ONECUT2: variants seen among roughly 807,000 people sequenced by gnomAD.
The protein encoded by ONECUT2 is one cut homeobox 2.
A neutral mutation model predicts 27.9 loss-of-function variants in ONECUT2; 10 were observed. That is an observed-to-expected ratio of 0.36 (90% CI 0.22 to 0.61). ONECUT2 has a LOEUF of 0.61. Among genes scored for constraint, ONECUT2 ranks in the 20% least tolerant of loss-of-function variants. The pLI is 0.73. For synonymous variants in ONECUT2, 334 were observed against 315.1 expected, an observed-to-expected ratio of 1.06 and a Z score of -0.64; for missense variants, 686 against 721.0, an observed-to-expected ratio of 0.95 and a Z score of 0.56.
chr18:57,467,320 C>T, intron 1 of ONECUT2: 1 of 374,724 alleles, frequency 2.7e-6, no homozygotes, highest in Non-Finnish European at 5.3e-6. Flanking sequence ...CAGAGATTTG[C>T]CATTGATCAT....
Position 57,476,456 on chromosome 18 carries a change from A to G in ONECUT2, c.1248A>G (p.Gln416=), listed in dbSNP as rs2050382295. ...LRLAACKRKE[Q]EPNKDRNNSQ... is the part of the protein sequence containing the mutation. ...TTCAAGCGTGCAAACGCAAAGAGCAAGAACCAAACAAAGACAGGAACAATT... is the reference window on the plus strand; with the variant it reads ...TTCAAGCGTGCAAACGCAAAGAGCAGGAACCAAACAAAGACAGGAACAATT... The change falls in exon 2 of 2, where the codon CAA becomes CAG. Residue 416 remains glutamine (Q), a synonymous_variant. Coordinates refer to ENST00000491143, the MANE Select transcript of ONECUT2 (RefSeq NM_004852.3). 2 of 1,614,234 alleles carry G rather than the reference A, an allele frequency of 1.2e-6. No individual in the cohort carries two copies. Among genetic ancestry groups the G allele is most frequent in the African/African-American group, 1.3e-5 (1 of 75,072 alleles).
chr18:57,476,340 G>A (rs1056859728), intron 1 of ONECUT2, 97 bp from the exon 2 acceptor site: 12 of 1,283,506 alleles, frequency 9.3e-6, no homozygotes, highest in African/African-American at 3.0e-5. Context: ...AAAGTTTAAC[G>A]GTTTACATCT....
intron 1 of ONECUT2, among the ~76,000 whole-genome samples, chr18:57,445,064 A>G (rs1420750778): frequency 1.3e-5 from 2 of 152,196 alleles, no homozygotes; most frequent in African/African-American, 2.4e-5. Flanking sequence ...ATATGCCTAG[A>G]GTAAAAATGT....
chr18:57,486,328 T>C lies in ONECUT2; in HGVS notation c.*9605T>C, dbSNP rs1048196445. 6.6e-6 allele frequency: 1 copy of C among 152,664 alleles called. No homozygotes were observed. Among genetic ancestry groups the C allele is most frequent in the African/African-American group, 2.4e-5 (1 of 41,462 alleles). The allele number at this position is 152,664 out of a possible 1,614,324, so 9.5% of individuals were successfully genotyped here. ...CAGTCAGTTGGTGGGCTTATTGTAC[T>C]GTGGTGCTTTGCAATGCAACCCTGC... On this transcript the variant is annotated 3_prime_UTR_variant, in exon 2 of 2. Coordinates refer to ENST00000491143, the MANE Select transcript of ONECUT2 (RefSeq NM_004852.3).
In ONECUT2 at chr18:57,436,428, G is replaced by T. The variant is rs367962763; in HGVS notation, c.712G>T (p.Gly238Cys). The change falls in exon 1 of 2, where the codon GGC becomes TGC. Residue 238 changes from glycine to cysteine, a missense_variant. Coordinates refer to ENST00000491143, the MANE Select transcript of ONECUT2 (RefSeq NM_004852.3). This position sits in a 1 kb window ranked among gnomAD's most constrained non-coding sequence, Gnocchi z 5.9. ...AATPLGNGLG[G>C]LHNAQQSLPN... ...CACGCCGCTGGGCAACGGGCTAGGC[G>T]GCCTCCACAACGCGCAGCAGAGTCT... The T allele has an allele frequency of 3.7e-6, 6 of 1,612,262 alleles. No individual in the cohort carries two copies. Among genetic ancestry groups the T allele is most frequent in the African/African-American group, 2.7e-5 (2 of 75,072 alleles).
At chr18:57,471,275 G>A (rs2050351988) in intron 1 of ONECUT2, among the ~76,000 whole-genome samples, 1 of 152,230 alleles carries the variant, frequency 6.6e-6, no homozygotes, top group Admixed American at 6.5e-5. Context: ...TCAGAGGGCA[G>A]CTGAGCTCCT....
intron 1 of ONECUT2, among the ~76,000 whole-genome samples, chr18:57,438,922 C>T (rs2050159161): frequency 1.3e-5 from 2 of 152,068 alleles, no homozygotes; most frequent in African/African-American, 4.8e-5. Context: ...CCCCGAATGT[C>T]CCAGGCTGTC....
At chr18:57,441,647 G>T (rs1014729996) in intron 1 of ONECUT2, among the ~76,000 whole-genome samples, 3 of 152,276 alleles carry the variant, frequency 2.0e-5, no homozygotes, top group Non-Finnish European at 4.4e-5. Context: ...CCTGTGCTTG[G>T]CCGTTGCCAC....
intron 1 of ONECUT2, among the ~76,000 whole-genome samples, chr18:57,468,435 T>C (rs1375995267): frequency 6.6e-6 from 1 of 152,224 alleles, no homozygotes; most frequent in Non-Finnish European, 1.5e-5. Flanking sequence ...TGAACCTAAG[T>C]GGCCTTTGGT....
At chr18:57,450,069 T>C (rs1249612842) in intron 1 of ONECUT2, among the ~76,000 whole-genome samples, 1 of 152,202 alleles carries the variant, frequency 6.6e-6, no homozygotes, top group Non-Finnish European at 1.5e-5. Flanking sequence ...TGGCCTCCTG[T>C]CTATCTTTAC....
chr18:57,482,628 A>G lies in ONECUT2; in HGVS notation c.*5905A>G, dbSNP rs543610470. On this transcript the variant is annotated 3_prime_UTR_variant, in exon 2 of 2. Transcript: ENST00000491143. ...TTTCATGTAGCATAAACCTTGGCAG[A>G]TAAGTGTGCCTAAGGTTTATACAGT... 12 of 152,352 alleles carry G rather than the reference A, an allele frequency of 7.9e-5. No homozygotes were observed. In the East Asian group the frequency reaches 2.1e-3, roughly 27 times the overall value. The allele number at this position is 152,352 out of a possible 1,614,324, so 9.4% of individuals were successfully genotyped here. A position where few individuals can be genotyped will look rare whatever the true frequency, so the allele number is the denominator to read the frequency against.
In ONECUT2 at chr18:57,436,761, T is replaced by A; in HGVS notation, c.1045T>A (p.Tyr349Asn). The stretch of plus-strand genomic sequence containing the variant: ...GCGCATCACAGCGGAGCTGAAGCGC[T>A]ACAGTATCCCCCAGGCGATCTTTGC... ...AQRITAELKR[Y>N]SIPQAIFAQR... The change falls in exon 1 of 2, where the codon TAC becomes AAC. Residue 349 changes from tyrosine to asparagine, a missense_variant. Tyr to Asn is a moderately radical substitution (Grantham distance 143, BLOSUM62 -2). Coordinates refer to ENST00000491143, the MANE Select transcript of ONECUT2 (RefSeq NM_004852.3). This position sits in a 1 kb window ranked among gnomAD's most constrained non-coding sequence, Gnocchi z 5.9. 6.2e-7 allele frequency: 1 copy of A among 1,613,912 alleles called. No homozygotes were observed. Among genetic ancestry groups the A allele is most frequent in the East Asian group, 2.2e-5 (1 of 44,888 alleles).
rs188414397 is a variant in ONECUT2, at chr18:57,437,281, G to T, written c.1228+337G>T. On this transcript the variant is annotated intron_variant, in intron 1 of 1. Coordinates refer to ENST00000491143, the MANE Select transcript of ONECUT2 (RefSeq NM_004852.3). ...CCAGGTACTGGGAGGCGGGATGGGG[G>T]TGTGCGTTTTCCTCTAGGAGCCCTG... Among the ~76,000 whole-genome samples the T allele has an allele frequency of 5.9e-5, 9 of 152,238 alleles. No homozygotes were observed. The East Asian group carries it at 1.5e-3, about 26-fold the overall frequency.
chr18:57,449,028 A>G (rs924946162), intron 1 of ONECUT2, among the ~76,000 whole-genome samples: 6 of 152,184 alleles, frequency 3.9e-5, no homozygotes, highest in African/African-American at 1.4e-4. Flanking sequence ...ACTTTCAATG[A>G]CTAACCCTTC....
chr18:57,449,227 G>A (rs1490802829), intron 1 of ONECUT2, among the ~76,000 whole-genome samples: 2 of 152,168 alleles, frequency 1.3e-5, no homozygotes, highest in Non-Finnish European at 2.9e-5. Flanking sequence ...ACATAGATAG[G>A]TATCGCCTGC....
intron 1 of ONECUT2, among the ~76,000 whole-genome samples, chr18:57,443,103 G>A (rs985862727): frequency 1.3e-5 from 2 of 152,234 alleles, no homozygotes; most frequent in African/African-American, 2.4e-5. Flanking sequence ...ACACTCCATG[G>A]CTAGTGGCTG....
chr18:57,443,655 A>G (rs4592737), intron 1 of ONECUT2, among the ~76,000 whole-genome samples: 15,555 of 152,202 alleles, frequency 0.1, 973 homozygotes, highest in South Asian at 0.17. Context: ...AGGTGGGGAA[A>G]AGGTAGGGAC....
At chr18:57,468,741 G>A (rs948604313) in intron 1 of ONECUT2, among the ~76,000 whole-genome samples, 7 of 152,350 alleles carry the variant, frequency 4.6e-5, no homozygotes, top group Non-Finnish European at 8.8e-5. Context: ...TGCTGACCCT[G>A]AGAAGCATGC....
Position 57,480,450 on chromosome 18 carries a change from C to A in ONECUT2, c.*3727C>A, listed in dbSNP as rs2050409950. 1 of 152,094 alleles carries A rather than the reference C, an allele frequency of 6.6e-6. No homozygotes were observed. Among genetic ancestry groups the A allele is most frequent in the Non-Finnish European group, 1.5e-5 (1 of 68,032 alleles). The allele number at this position is 152,094 out of a possible 1,614,324, so 9.4% of individuals were successfully genotyped here. A position where few individuals can be genotyped will look rare whatever the true frequency, so the allele number is the denominator to read the frequency against. ...GTTAGTGATTCTTTGACATACTAAT[C>A]TCAGCGTTTGGGTCTCCAGCATCCT... is the stretch of plus-strand genomic sequence containing the variant. On this transcript the variant is annotated 3_prime_UTR_variant, in exon 2 of 2. Coordinates refer to ENST00000491143, the MANE Select transcript of ONECUT2 (RefSeq NM_004852.3).
Sources: gnomAD v4.1 joint callset for allele counts (sites outside exome capture counted in the v4.1 genomes callset) on GRCh38, gnomAD v4.1.1 for gene constraint, Gnocchi (gnomAD v3.1) non-coding constraint, MANE v1.5 for transcripts, NCBI Gene and HGNC (gene_info 2026-07-23, HGNC 2026-07-21) for gene names.